SPOCK3: variants seen among roughly 807,000 people sequenced by gnomAD.
SPOCK3 encodes the protein testican-3.
In SPOCK3, 30 loss-of-function variants were observed where a neutral mutation model predicts 56.6. The ratio of observed to expected loss-of-function variants is 0.53; its 90% confidence interval spans 0.40 to 0.72. The LOEUF (loss-of-function observed/expected upper bound fraction) is 0.72. Ranked by LOEUF, SPOCK3 falls within the 30% of genes least tolerant of loss-of-function variation. SPOCK3 has a pLI of 0.00. For synonymous variants in SPOCK3, 196 were observed against 183.3 expected (o/e 1.07, Z -0.56); for missense variants, 527 against 530.0 (o/e 0.99, Z 0.06).
intron 5 of SPOCK3, among the ~76,000 whole-genome samples, chr4:166,907,623 A>G (rs1736769014): frequency 2.6e-5 from 4 of 152,124 alleles, no homozygotes. Flanking sequence ...AAACAAAATC[A>G]GTGTAAGGAG....
intron 4 of SPOCK3, among the ~76,000 whole-genome samples, chr4:166,956,428 T>C (rs556767892): frequency 6.6e-6 from 1 of 152,190 alleles, no homozygotes; most frequent in South Asian, 2.1e-4. Flanking sequence ...ACCTCAGCAG[T>C]AGATCCAATA....
chr4:166,954,399 T>TC (rs1029617959), intron 4 of SPOCK3, among the ~76,000 whole-genome samples: 1 of 152,174 alleles, frequency 6.6e-6, no homozygotes, highest in Non-Finnish European at 1.5e-5. Flanking sequence ...ATGGAAGTTT[T>TC]CCCCTATGAT....
At chr4:167,151,537 C>A (rs996155011) in intron 2 of SPOCK3, among the ~76,000 whole-genome samples, 2 of 151,856 alleles carry the variant, frequency 1.3e-5, no homozygotes, top group Non-Finnish European at 2.9e-5. Context: ...CAGGTTCACG[C>A]CATTCTCCTG....
At chr4:166,999,929 G>A (rs903527331) in intron 4 of SPOCK3, among the ~76,000 whole-genome samples, 37 of 151,982 alleles carry the variant, frequency 2.4e-4, no homozygotes, top group African/African-American at 8.2e-4. Flanking sequence ...TCCCTATTTC[G>A]TGACTTTTAA....
rs116426600 is a variant in SPOCK3, at chr4:166,819,484, C to T, written c.590-27195G>A. On this transcript the variant is annotated intron_variant, in intron 6 of 10. Transcript: ENST00000357545. ...TGTATAGAAAGTCCTAAGGAATACA[C>T]ATAAACATACATACAATTAATAGAA... 5.9e-3 allele frequency among the ~76,000 whole-genome samples: 899 copies of T among 152,106 alleles called. 2 individuals are homozygous for T. Among genetic ancestry groups the T allele is most frequent in the Non-Finnish European group, 8.3e-3 (567 of 67,950 alleles).
At chr4:166,741,026 A>C (rs1424226249) in intron 9 of SPOCK3, among the ~76,000 whole-genome samples, 1 of 152,228 alleles carries the variant, frequency 6.6e-6, no homozygotes, top group Admixed American at 6.5e-5. Flanking sequence ...CCTCTTATTT[A>C]AATGTAATAT....
chr4:167,180,263 G>T (rs1447272468), intron 2 of SPOCK3, among the ~76,000 whole-genome samples: 5 of 152,156 alleles, frequency 3.3e-5, no homozygotes, highest in Non-Finnish European at 7.3e-5. Context: ...ATCAGAGGAG[G>T]AGGACATATG....
At chr4:167,134,449 G>T (rs965008916) in intron 2 of SPOCK3, among the ~76,000 whole-genome samples, 1 of 152,058 alleles carries the variant, frequency 6.6e-6, no homozygotes. Flanking sequence ...TAATAAACTT[G>T]TTTCTCAATT....
chr4:166,766,702 T>C (rs1257551012), intron 7 of SPOCK3, among the ~76,000 whole-genome samples: 1 of 152,246 alleles, frequency 6.6e-6, no homozygotes, highest in Non-Finnish European at 1.5e-5. Flanking sequence ...GCTGAACTCA[T>C]AAAATGAGTT....
chr4:166,984,462 A>G (rs1746919397), intron 4 of SPOCK3, among the ~76,000 whole-genome samples: 1 of 151,992 alleles, frequency 6.6e-6, no homozygotes, highest in Admixed American at 6.6e-5. Context: ...ATTAATACTT[A>G]CTCTTTTAAG....
chr4:167,103,109 C>A (rs1032025690), intron 2 of SPOCK3, among the ~76,000 whole-genome samples: 2 of 151,886 alleles, frequency 1.3e-5, no homozygotes, highest in African/African-American at 2.4e-5. Flanking sequence ...CAGAAGGGAA[C>A]CCACTCCCTG....
intron 2 of SPOCK3, among the ~76,000 whole-genome samples, chr4:167,067,704 A>C (rs1335771206): frequency 6.6e-6 from 1 of 151,832 alleles, no homozygotes; most frequent in East Asian, 1.9e-4. Context: ...CAGCTATGGT[A>C]CTGCCAACTA....
At chr4:166,901,496 C>T (rs1217342368) in intron 5 of SPOCK3, among the ~76,000 whole-genome samples, 2 of 152,144 alleles carry the variant, frequency 1.3e-5, no homozygotes, top group African/African-American at 4.8e-5. Context: ...GTTTCACTAA[C>T]ACATTTTGCG....
chr4:167,075,245 GA>G (rs1029015319), intron 2 of SPOCK3, among the ~76,000 whole-genome samples: 1 of 151,316 alleles, frequency 6.6e-6, no homozygotes, highest in African/African-American at 2.4e-5. Flanking sequence ...AAATTGAAAT[GA>G]AAAAAAGACA....
intron 2 of SPOCK3, among the ~76,000 whole-genome samples, chr4:167,116,911 G>GTATATATATATATATATATATA (rs1279038321): frequency 7.8e-5 from 9 of 115,384 alleles, no homozygotes; most frequent in East Asian, 4.7e-4. Flanking sequence ...GTGTGTGTGT[G>GTATATATATATATATATATATA]TGTATATATA....
At chr4:166,794,210 C>CA (rs10710162) in intron 6 of SPOCK3, among the ~76,000 whole-genome samples, 2,311 of 73,376 alleles carry the variant, frequency 0.031, 97 homozygotes, top group African/African-American at 0.036. Flanking sequence ...GGTGATAAGG[C>CA]AAAAAAAAAA....
rs530877730 is a variant in SPOCK3 at position 166,847,094 on chromosome 4, A to G, written c.589+42036T>C. Among the ~76,000 whole-genome samples the G allele has an allele frequency of 4.6e-5, 7 of 152,226 alleles. No homozygotes were observed. The South Asian group carries it at 1.5e-3, about 32-fold the overall frequency. On this transcript the variant is annotated intron_variant, in intron 6 of 10. Coordinates refer to ENST00000357545, the MANE Select transcript of SPOCK3 (RefSeq NM_001040159.2). ...ATTAAAAAGAAAAGTGAAAGAAGAA[A>G]ACAAAAATCAAGCATTCATTTACAT... is the stretch of plus-strand genomic sequence containing the variant.
chr4:167,005,218 C>CT (rs1295588773), intron 3 of SPOCK3, among the ~76,000 whole-genome samples: 9 of 150,664 alleles, frequency 6.0e-5, no homozygotes, highest in East Asian at 2.0e-4. Flanking sequence ...TTTCTTTATT[C>CT]TTTTTTTTTG....
intron 4 of SPOCK3, among the ~76,000 whole-genome samples, chr4:166,944,326 A>G (rs969232028): frequency 5.3e-5 from 8 of 152,148 alleles, no homozygotes; most frequent in Admixed American, 2.6e-4. Flanking sequence ...TTACAACGAC[A>G]TATCTCCTCC....
Sources: gnomAD v4.1 joint callset for allele counts (sites outside exome capture counted in the v4.1 genomes callset) on GRCh38, gnomAD v4.1.1 for gene constraint, MANE v1.5 for transcripts, NCBI Gene and HGNC (gene_info 2026-07-23, HGNC 2026-07-21) for gene names.